PRR16: variants seen among roughly 807,000 people sequenced by gnomAD.
PRR16 encodes the protein protein Largen.
PRR16 carries 6 observed loss-of-function variants against 18.2 expected under a neutral mutation model. That is an observed-to-expected ratio of 0.33 (90% CI 0.18 to 0.65). The LOEUF (loss-of-function observed/expected upper bound fraction) is 0.65, where lower values mean the gene tolerates loss of function less well. Among genes scored for constraint, PRR16 ranks in the 30% least tolerant of loss-of-function variants. The pLI, the probability that PRR16 is intolerant of heterozygous loss-of-function variation, is 0.74. For synonymous variants in PRR16, 151 were observed against 147.8 expected (o/e 1.02, Z -0.16); for missense variants, 412 against 376.6 (o/e 1.09, Z -0.78).
At chr5:120,520,725 A>C (rs1266534279) in intron 1 of PRR16, among the ~76,000 whole-genome samples, 1 of 152,198 alleles carries the variant, frequency 6.6e-6, no homozygotes, top group Non-Finnish European at 1.5e-5. Context: ...TTACATCTGA[A>C]AATTACAAAG....
the PRR16 span, among the ~76,000 whole-genome samples, chr5:120,752,467 C>T: frequency 6.6e-6 from 1 of 151,892 alleles, no homozygotes; most frequent in Non-Finnish European, 1.5e-5. Flanking sequence ...ACATGAGAGA[C>T]ATTTTCTCAT....
intron 1 of PRR16, among the ~76,000 whole-genome samples, chr5:120,668,364 G>T (rs1040221669): frequency 1.3e-5 from 2 of 149,528 alleles, no homozygotes; most frequent in African/African-American, 4.9e-5. Context: ...ATGTGAGATG[G>T]GTTTCCTGAA....
intron 1 of PRR16, among the ~76,000 whole-genome samples, chr5:120,674,826 T>C (rs546285078): frequency 6.6e-6 from 1 of 152,038 alleles, no homozygotes; most frequent in African/African-American, 2.4e-5. Context: ...TTTTAAAATG[T>C]ATTTTTGCTT....
intron 1 of PRR16, among the ~76,000 whole-genome samples, chr5:120,505,424 A>G (rs1332942214): frequency 2.0e-5 from 3 of 152,306 alleles, no homozygotes; most frequent in Middle Eastern, 3.4e-3. Context: ...CAGGTGTCCA[A>G]TCACAAATGG....
the PRR16 span, among the ~76,000 whole-genome samples, chr5:120,737,591 G>C: frequency 6.6e-6 from 1 of 150,796 alleles, no homozygotes; most frequent in Non-Finnish European, 1.5e-5. Flanking sequence ...GAATAATGCT[G>C]ATCTCATAGA....
chr5:120,597,616 G>A (rs1220381525), intron 1 of PRR16, among the ~76,000 whole-genome samples: 1 of 151,710 alleles, frequency 6.6e-6, no homozygotes, highest in Admixed American at 6.6e-5. Context: ...ATCAGTATGG[G>A]TGTATTTCAA....
chr5:120,570,755 C>A (rs1752880351), intron 1 of PRR16, among the ~76,000 whole-genome samples: 1 of 151,918 alleles, frequency 6.6e-6, no homozygotes, highest in Non-Finnish European at 1.5e-5. Flanking sequence ...ATGGATAAAT[C>A]TTAATAATAA....
chr5:120,672,235 G>GGT (rs1191891129), intron 1 of PRR16, among the ~76,000 whole-genome samples: 4 of 87,158 alleles, frequency 4.6e-5, no homozygotes, highest in Non-Finnish European at 7.8e-5. Context: ...GCAGGTGAGG[G>GGT]GTCTGTGTGT....
intron 1 of PRR16, among the ~76,000 whole-genome samples, chr5:120,684,866 C>T (rs1233680560): frequency 2.0e-5 from 3 of 152,220 alleles, no homozygotes; most frequent in South Asian, 2.1e-4. Flanking sequence ...CTCTCCTTAA[C>T]GTGGGTTCCC....
chr5:120,759,209 C>T, the PRR16 span, among the ~76,000 whole-genome samples: 1 of 152,074 alleles, frequency 6.6e-6, no homozygotes, highest in South Asian at 2.1e-4. Context: ...ATCTCCTGAC[C>T]TCATGATCTG....
chr5:120,770,468 T>G, the PRR16 span, among the ~76,000 whole-genome samples: 1 of 151,930 alleles, frequency 6.6e-6, no homozygotes, highest in Non-Finnish European at 1.5e-5. Flanking sequence ...ACTATAAAAC[T>G]ACCAGACAAA....
chr5:120,492,923 G>A (rs1259087273), intron 1 of PRR16, among the ~76,000 whole-genome samples: 2 of 152,156 alleles, frequency 1.3e-5, no homozygotes, highest in Admixed American at 6.6e-5. Context: ...GTAGTCCATG[G>A]TGTTTATATA....
chr5:120,784,021 A>G, the PRR16 span, among the ~76,000 whole-genome samples: 1 of 152,152 alleles, frequency 6.6e-6, no homozygotes, highest in Non-Finnish European at 1.5e-5. Context: ...AGTTCCAACC[A>G]TGTAATTACA....
At chr5:120,710,132 C>T in the PRR16 span, among the ~76,000 whole-genome samples, 2 of 152,064 alleles carry the variant, frequency 1.3e-5, no homozygotes, top group East Asian at 3.9e-4. Flanking sequence ...TCCTTGCCAG[C>T]ATTTGTTATT....
the PRR16 span, among the ~76,000 whole-genome samples, chr5:120,763,903 A>AT: frequency 6.6e-6 from 1 of 151,678 alleles, no homozygotes; most frequent in Non-Finnish European, 1.5e-5. Context: ...GTTTATATTG[A>AT]TTTTGTATCC....
chr5:120,521,046 C>T (rs998997707), intron 1 of PRR16, among the ~76,000 whole-genome samples: 5 of 151,988 alleles, frequency 3.3e-5, no homozygotes, highest in African/African-American at 9.7e-5. Context: ...GTTGTATTTG[C>T]GACGGTGGAT....
the PRR16 span, among the ~76,000 whole-genome samples, chr5:120,785,692 C>G: frequency 6.6e-6 from 1 of 150,440 alleles, no homozygotes; most frequent in Non-Finnish European, 1.5e-5. Context: ...CCTGCCTCAG[C>G]CTTCTCAGTA....
chr5:120,596,095 A>G (rs1358271610), intron 1 of PRR16, among the ~76,000 whole-genome samples: 1 of 148,946 alleles, frequency 6.7e-6, no homozygotes, highest in Non-Finnish European at 1.5e-5. Context: ...TCATCCATCC[A>G]TTTATCTGTC....
intron 1 of PRR16, among the ~76,000 whole-genome samples, chr5:120,470,017 A>G (rs1749217871): frequency 6.6e-6 from 1 of 152,176 alleles, no homozygotes. Context: ...GGATTATGTT[A>G]TTTTCATCCT....
Sources: gnomAD v4.1 joint callset for allele counts (sites outside exome capture counted in the v4.1 genomes callset) on GRCh38, gnomAD v4.1.1 for gene constraint, MANE v1.5 for transcripts, NCBI Gene and HGNC (gene_info 2026-07-23, HGNC 2026-07-21) for gene names.